The following CDH8 variants were observed in gnomAD, a reference collection of about 807,000 sequenced individuals.
CDH8 encodes cadherin-8.
Under a neutral mutation model 68.1 loss-of-function variants are expected in CDH8, and 17 were observed. The ratio of observed to expected loss-of-function variants is 0.25; its 90% CI spans 0.17 to 0.37. The LOEUF (loss-of-function observed/expected upper bound fraction) is 0.37. Ranked by LOEUF, CDH8 falls within the 10% of genes least tolerant of loss-of-function variation. The probability of loss-of-function intolerance (pLI) is 1.00; values close to 1 mark genes in which losing one functional copy is unlikely to be tolerated. For synonymous variants in CDH8, 372 were observed against 365.1 expected (o/e 1.02, Z -0.21); for missense variants, 763 against 999.3 (o/e 0.76, Z 3.19).
In CDH8 at chr16:62,031,455, C is replaced by T. The variant is rs577648629; in HGVS notation, c.-200+4625G>A. Among the ~76,000 whole-genome samples, 91 of 152,028 alleles carry T rather than the reference C, an allele frequency of 6.0e-4. 1 individual carries two copies. The highest frequency in any genetic ancestry group is 1.1e-3 in the Non-Finnish European group (77 of 67,996). On this transcript the variant is annotated intron_variant, in intron 1 of 11. Coordinates refer to ENST00000577390, the MANE Select transcript of CDH8 (RefSeq NM_001796.5). ...TGCAGGGTCTTTGCTAATTTCTTAT[C>T]GCATAAAATAAATATTTACTGAGCA...
At chr16:61,823,262 A>G (rs938003714) in intron 5 of CDH8, among the ~76,000 whole-genome samples, 10 of 151,902 alleles carry the variant, frequency 6.6e-5, no homozygotes, top group African/African-American at 2.2e-4. Flanking sequence ...TTCAAGCTCC[A>G]TACACATTTC....
At chr16:61,728,809 A>G (rs2142896261) in intron 8 of CDH8, among the ~76,000 whole-genome samples, 1 of 151,186 alleles carries the variant, frequency 6.6e-6, no homozygotes, top group Non-Finnish European at 1.5e-5. Context: ...ACCTTTGGAG[A>G]CCCAGCTTTT....
intron 10 of CDH8, among the ~76,000 whole-genome samples, chr16:61,675,629 A>AAAAAAT: frequency 1.0e-5 from 1 of 100,462 alleles, no homozygotes. Context: ...AAAAAAAATA[A>AAAAAAT]AAAAAAATAA....
chr16:61,906,185 T>C (rs1964058401), intron 2 of CDH8, among the ~76,000 whole-genome samples: 1 of 152,218 alleles, frequency 6.6e-6, no homozygotes, highest in African/African-American at 2.4e-5. Flanking sequence ...AAAAGGAGTT[T>C]GACTTCATAA....
At chr16:61,938,153 C>A (rs1433268546) in intron 2 of CDH8, among the ~76,000 whole-genome samples, 1 of 152,032 alleles carries the variant, frequency 6.6e-6, no homozygotes, top group Non-Finnish European at 1.5e-5. Context: ...AAAATGATTT[C>A]ATTGAGTGTG....
chr16:61,992,598 A>G (rs1353051797), intron 2 of CDH8, among the ~76,000 whole-genome samples: 1 of 151,848 alleles, frequency 6.6e-6, no homozygotes, highest in African/African-American at 2.4e-5. Context: ...TAATAATAAT[A>G]AAAGAAAATG....
intron 3 of CDH8, among the ~76,000 whole-genome samples, chr16:61,862,638 G>C (rs1007897524): frequency 1.5e-4 from 23 of 152,300 alleles, no homozygotes; most frequent in Non-Finnish European, 2.8e-4. Context: ...GTGTGTAGAG[G>C]TTTTGTGGGT....
intron 10 of CDH8, among the ~76,000 whole-genome samples, chr16:61,663,023 T>C (rs1392860693): frequency 6.6e-6 from 1 of 152,058 alleles, no homozygotes; most frequent in Non-Finnish European, 1.5e-5. Flanking sequence ...TGACTGACTT[T>C]TGTACAAAAG....
rs1465575627 is a variant in CDH8 at position 61,648,970 on chromosome 16, CT to C, written c.*4637del. 6.6e-6 allele frequency: 1 copy of C among 151,956 alleles called. No individual in the cohort carries two copies. The highest frequency in any genetic ancestry group is 2.4e-5 in the African/African-American group (1 of 41,404). The allele number at this position is 151,956 out of a possible 1,614,324, so 9.4% of individuals were successfully genotyped here. A position where few individuals can be genotyped will look rare whatever the true frequency, so the allele number is the denominator to read the frequency against. Reference sequence around the variant, plus strand: ...AAATGATAGATCATAAAGACATGCTCTTCTACAATTATCATAAGAAGCAATA... The same window carrying C: ...AAATGATAGATCATAAAGACATGCTCTCTACAATTATCATAAGAAGCAATA... On this transcript the variant is annotated 3_prime_UTR_variant, in exon 12 of 12. Transcript: ENST00000577390.
chr16:61,790,036 A>T (rs949416259), intron 7 of CDH8, among the ~76,000 whole-genome samples: 3 of 152,036 alleles, frequency 2.0e-5, no homozygotes, highest in African/African-American at 4.8e-5. Context: ...GTCTCAGTCC[A>T]TAGAAATTGG....
chr16:61,846,635 T>C (rs1038774846), intron 4 of CDH8, among the ~76,000 whole-genome samples: 71 of 152,090 alleles, frequency 4.7e-4, no homozygotes, highest in Non-Finnish European at 8.2e-4. Flanking sequence ...ACTACCTGGG[T>C]ACTTCTCAGA....
chr16:61,852,145 GT>G (rs2143013190), intron 4 of CDH8, among the ~76,000 whole-genome samples: 1 of 152,172 alleles, frequency 6.6e-6, no homozygotes, highest in East Asian at 1.9e-4. Flanking sequence ...AATAAATAAA[GT>G]TCTTGTTCTG....
chr16:61,898,995 A>T (rs1366666042), intron 3 of CDH8, among the ~76,000 whole-genome samples: 1 of 152,044 alleles, frequency 6.6e-6, no homozygotes, highest in African/African-American at 2.4e-5. Flanking sequence ...TTTTAAAATT[A>T]TACTTTAAGT....
chr16:61,665,758 TC>T (rs1963657617), intron 10 of CDH8, among the ~76,000 whole-genome samples: 1 of 62,124 alleles, frequency 1.6e-5, no homozygotes, highest in Admixed American at 1.7e-4. Context: ...TTATTTTCCT[TC>T]CTTCCTTCCT....
At chr16:62,014,087 G>A (rs1195161235) in intron 2 of CDH8, among the ~76,000 whole-genome samples, 1 of 151,906 alleles carries the variant, frequency 6.6e-6, no homozygotes, top group Non-Finnish European at 1.5e-5. Flanking sequence ...TGGAGCTACA[G>A]GAAAAAACAA....
At chr16:62,024,336 A>G (rs1185819174) in intron 1 of CDH8, among the ~76,000 whole-genome samples, 1 of 152,146 alleles carries the variant, frequency 6.6e-6, no homozygotes. Context: ...TAAAGGAGAT[A>G]CTCATGGTAC....
intron 8 of CDH8, among the ~76,000 whole-genome samples, chr16:61,768,596 C>A (rs1019148673): frequency 6.6e-6 from 1 of 151,444 alleles, no homozygotes. Flanking sequence ...TTTGGTGAGA[C>A]CCTGAAAGTG....
chr16:61,701,040 C>A (rs1964419392), intron 10 of CDH8, among the ~76,000 whole-genome samples: 1 of 152,050 alleles, frequency 6.6e-6, no homozygotes, highest in Non-Finnish European at 1.5e-5. Context: ...GTTTAAAATA[C>A]TAATAAAAGA....
chr16:61,792,810 A>C (rs1330450904), intron 7 of CDH8, among the ~76,000 whole-genome samples: 1 of 151,914 alleles, frequency 6.6e-6, no homozygotes, highest in Non-Finnish European at 1.5e-5. Flanking sequence ...GGTGTGCCAC[A>C]CTTTACCAAC....
Sources: gnomAD v4.1 joint callset for allele counts (sites outside exome capture counted in the v4.1 genomes callset) on GRCh38, gnomAD v4.1.1 for gene constraint, MANE v1.5 for transcripts, NCBI Gene and HGNC (gene_info 2026-07-23, HGNC 2026-07-21) for gene names.